Variants in TARS2 observed in about 807,000 individuals in gnomAD.
TARS2 encodes threonyl-tRNA synthetase 2, mitochondrial, also known as threonine--tRNA ligase, mitochondrial.
Under a neutral mutation model 94.4 loss-of-function variants are expected in TARS2, and 61 were observed. That is an observed-to-expected ratio of 0.65 (90% CI 0.53 to 0.80). The LOEUF (loss-of-function observed/expected upper bound fraction) is 0.80, where lower values mean the gene tolerates loss of function less well. Ranked by LOEUF, TARS2 falls within the 30% of genes least tolerant of loss-of-function variation. The pLI, the probability that TARS2 is intolerant of heterozygous loss-of-function variation, is 0.00. For missense variants in TARS2, 704 were observed against 902.5 expected, an observed-to-expected ratio of 0.78 and a Z score of 2.82; for synonymous variants, 359 against 353.4, an observed-to-expected ratio of 1.02 and a Z score of -0.18.
At chr1:150,504,510 C>T in intron 14 of TARS2, 75 bp downstream of exon 14, 1 of 1,582,684 alleles carries the variant, frequency 6.3e-7, no homozygotes, top group Non-Finnish European at 8.7e-7. Context: ...GCCCTAAAAA[C>T]TAAACCCTCC....
At chr1:150,490,114 CTT>C (rs772454527) in intron 3 of TARS2, among the ~76,000 whole-genome samples, 4 of 80,192 alleles carry the variant, frequency 5.0e-5, no homozygotes, top group Non-Finnish European at 6.8e-5. Context: ...TCTATTCAGT[CTT>C]TTTTTTTTTT....
At chr1:150,487,659 C>T in intron 1 of TARS2, 143 bp downstream of exon 1, 1 of 1,303,138 alleles carries the variant, frequency 7.7e-7, no homozygotes, top group Middle Eastern at 2.7e-4. Flanking sequence ...TATCTAAACT[C>T]GTTATCTAAT....
Position 150,490,710 on chromosome 1 carries a change from TC to T in TARS2, c.499del (p.Leu167TrpfsTer32), listed in dbSNP as rs1353715069. 1.2e-6 allele frequency: 2 copies of T among 1,613,818 alleles called. No individual in the cohort carries two copies. The highest frequency in any genetic ancestry group is 3.3e-5 in the Admixed American group (2 of 59,980). ...STEYGFYHDF[F>X]LGKERTIRGS... ...GAATATGGCTTTTACCATGATTTCTTCCTGGGAAAGGAGAGGTGAGTAATGA... is the reference window on the plus strand; with the variant it reads ...GAATATGGCTTTTACCATGATTTCTTCTGGGAAAGGAGAGGTGAGTAATGA... On this transcript the variant is annotated frameshift_variant, in exon 4 of 18. Transcript: ENST00000369064. LOFTEE classifies it high-confidence loss of function.
intron 10 of TARS2, 126 bp from the exon 11 acceptor site, chr1:150,498,376 T>C: frequency 8.6e-7 from 1 of 1,168,382 alleles, no homozygotes; most frequent in Non-Finnish European, 1.2e-6. Flanking sequence ...AGTGGGAGGA[T>C]GTGCTGAGGC....
At position 150,498,492 on chromosome 1, in the gene TARS2, C is replaced by G; in HGVS notation, c.1239-10C>G. 1 of 1,564,710 alleles carries G rather than the reference C, an allele frequency of 6.4e-7. No homozygotes were observed. The highest frequency in any genetic ancestry group is 8.6e-7 in the Non-Finnish European group (1 of 1,160,610). ...CCTATGGCCCTGACCCCTCTGCACCCCAACCTCAGCCTGATGTTCGCCCAC... is the reference window on the plus strand; with the variant it reads ...CCTATGGCCCTGACCCCTCTGCACCGCAACCTCAGCCTGATGTTCGCCCAC... On this transcript the variant is annotated splice_polypyrimidine_tract_variant and intron_variant, in intron 10 of 17. Transcript: ENST00000369064.
At chr1:150,498,070 G>T (rs1669750594) in intron 10 of TARS2, among the ~76,000 whole-genome samples, 1 of 149,796 alleles carries the variant, frequency 6.7e-6, no homozygotes, top group African/African-American at 2.5e-5. Context: ...TCCAGCCTGG[G>T]TGACACAGCG....
chr1:150,495,827 G>T (rs1019884274), intron 7 of TARS2, among the ~76,000 whole-genome samples: 4 of 151,736 alleles, frequency 2.6e-5, no homozygotes, highest in African/African-American at 9.7e-5. Flanking sequence ...TCATGCCATT[G>T]TCCTGCCTCA....
intron 17 of TARS2, among the ~76,000 whole-genome samples, chr1:150,505,999 G>A (rs587676334): frequency 1.2e-4 from 18 of 152,320 alleles, no homozygotes; most frequent in African/African-American, 4.3e-4. Context: ...AGGGACGGGA[G>A]GGTTAATACA....
chr1:150,504,606 T>A, intron 14 of TARS2, 26 bp from the exon 15 acceptor site: 1 of 1,606,328 alleles, frequency 6.2e-7, no homozygotes, highest in Non-Finnish European at 8.5e-7. Flanking sequence ...CACCATTCCA[T>A]CCACCCCCCC....
At chr1:150,492,341 G>A in intron 6 of TARS2, 70 bp from the exon 7 acceptor site, 1 of 1,489,600 alleles carries the variant, frequency 6.7e-7, no homozygotes, top group South Asian at 1.1e-5. Context: ...GTCAGCTAAA[G>A]ACCATGAGAG....
Position 150,496,814 on chromosome 1 carries a change from A to G in TARS2, c.926A>G (p.Gln309Arg), listed in dbSNP as rs1437947245. 2.5e-6 allele frequency: 4 copies of G among 1,613,980 alleles called. No individual in the cohort carries two copies. Among genetic ancestry groups the G allele is most frequent in the Non-Finnish European group, 2.5e-6 (3 of 1,180,026 alleles). The change falls in exon 9 of 18, where the codon CAG (glutamine) becomes CGG (arginine). Residue 309 changes from glutamine to arginine, a missense_variant. Gln to Arg is a conservative substitution (Grantham distance 43, BLOSUM62 1). Transcript: ENST00000369064. ...TATTGCTATTCCTGACCCCAGGAAC[A>G]GGAGCTCTTCTTCTTCCATGAACTG... is the stretch of plus-strand genomic sequence containing the variant. The part of the protein sequence containing the change: ...LRDHRRIGKE[Q>R]ELFFFHELSP...
intron 13 of TARS2, among the ~76,000 whole-genome samples, chr1:150,499,497 G>A (rs1669817554): frequency 6.6e-6 from 1 of 151,946 alleles, no homozygotes; most frequent in Non-Finnish European, 1.5e-5. Flanking sequence ...CCGAGTAGCT[G>A]GGATTACAGG....
chr1:150,493,028 G>A (rs1364896328), intron 7 of TARS2, among the ~76,000 whole-genome samples: 1 of 151,718 alleles, frequency 6.6e-6, no homozygotes, highest in Non-Finnish European at 1.5e-5. Context: ...GATAATAGGT[G>A]TGCACCACCA....
chr1:150,500,036 G>T (rs1005470922), intron 13 of TARS2, among the ~76,000 whole-genome samples: 1 of 151,812 alleles, frequency 6.6e-6, no homozygotes, highest in Non-Finnish European at 1.5e-5. Flanking sequence ...TTAGCCGGGT[G>T]CAGTAGCTTG....
chr1:150,492,641 C>G (rs1477967757), intron 7 of TARS2, 152 bp downstream of exon 7: 1 of 711,844 alleles, frequency 1.4e-6, no homozygotes. Flanking sequence ...GAAACCCCGT[C>G]TCTACTAAAA....
At position 150,497,773 on chromosome 1, in the gene TARS2, C is replaced by A. The variant is rs774985519; in HGVS notation, c.1238+26C>A. ...GTAAGCTGGGAGCTAGGGTTACAAT[C>A]AGGTTGCTAAATATTAAATAATAGA... On this transcript the variant is annotated intron_variant, in intron 10 of 17. Coordinates refer to ENST00000369064, the MANE Select transcript of TARS2 (RefSeq NM_025150.5). 1.9e-6 allele frequency: 3 copies of A among 1,603,432 alleles called. No individual in the cohort carries two copies. The South Asian group carries it at 3.3e-5, about 18-fold the overall frequency.
Position 150,492,464 on chromosome 1 carries a change from A to G in TARS2, c.749A>G (p.Gln250Arg). 6.2e-7 allele frequency: 1 copy of G among 1,613,936 alleles called. No homozygotes were observed. Among genetic ancestry groups the G allele is most frequent in the African/African-American group, 1.3e-5 (1 of 75,018 alleles). ...CQGPHLRHTG[Q>R]IGGLKLLSNS... is the part of the protein sequence containing the mutation. ...GGCCCCCACCTTCGGCATACTGGAC[A>G]GATTGGAGGACTGAAGCTGCTATCG... The change falls in exon 7 of 18, where the codon CAG (glutamine) becomes CGG (arginine). Residue 250 changes from glutamine to arginine, a missense_variant. Around this residue, in one of 3 missense-constraint regions of TARS2, gnomAD observed 466 missense variants for 609.5 expected, o/e 0.76. Coordinates refer to ENST00000369064, the MANE Select transcript of TARS2 (RefSeq NM_025150.5).
At chr1:150,506,767 C>T (rs1393170260) in intron 17 of TARS2, 149 bp from the exon 18 acceptor site, 13 of 1,055,306 alleles carry the variant, frequency 1.2e-5, no homozygotes, top group Non-Finnish European at 1.5e-5. Flanking sequence ...TTAGCAGACA[C>T]AGCTGAATAC....
intron 14 of TARS2, 65 bp downstream of exon 14, chr1:150,504,500 G>A (rs985820034): frequency 6.9e-6 from 11 of 1,596,882 alleles, no homozygotes; most frequent in Non-Finnish European, 9.4e-6. Flanking sequence ...TCTGCCTTTG[G>A]CCCTAAAAAC....
Sources: gnomAD v4.1 joint callset for allele counts (sites outside exome capture counted in the v4.1 genomes callset) on GRCh38, gnomAD v4.1.1 for gene constraint, gnomAD v4.1.1 regional missense constraint, MANE v1.5 for transcripts, NCBI Gene and HGNC (gene_info 2026-07-23, HGNC 2026-07-21) for gene names.